Variants in BNIP3 observed in about 807,000 individuals in gnomAD.
BNIP3 encodes the protein BCL2/adenovirus E1B 19 kDa protein-interacting protein 3.
A neutral mutation model predicts 23.9 loss-of-function variants in BNIP3; 16 were observed. That is an observed-to-expected ratio of 0.67 (90% CI 0.45 to 1.01). The LOEUF is 1.01. Ranked by LOEUF, BNIP3 falls within the 50% of genes least tolerant of loss-of-function variation. The pLI is 0.00. For synonymous variants in BNIP3, 81 were observed against 89.3 expected (o/e 0.91, Z 0.53); for missense variants, 198 against 248.7 (o/e 0.80, Z 1.37).
intron 1 of BNIP3, among the ~76,000 whole-genome samples, chr10:131,978,651 G>A (rs2037097350): frequency 6.6e-6 from 1 of 152,198 alleles, no homozygotes; most frequent in African/African-American, 2.4e-5. Context: ...AGAATCACCT[G>A]TGGTGTTTTT....
chr10:131,977,060 G>T (rs1589977446), intron 1 of BNIP3, among the ~76,000 whole-genome samples: 1 of 152,200 alleles, frequency 6.6e-6, no homozygotes, highest in East Asian at 1.9e-4. Context: ...ATCATCTGAG[G>T]TCAGGAGTCA....
intron 1 of BNIP3, among the ~76,000 whole-genome samples, chr10:131,977,194 G>C (rs951091683): frequency 6.6e-6 from 1 of 152,070 alleles, no homozygotes. Flanking sequence ...CCTTGAACCT[G>C]AGAGGGGGAG....
At chr10:131,971,096 T>C (rs917370219) in intron 3 of BNIP3, 126 bp from the exon 4 acceptor site, 19 of 869,482 alleles carry the variant, frequency 2.2e-5, no homozygotes. Context: ...TGTCAGTGCC[T>C]CGGACCGTGG....
At chr10:131,979,701 ATCCT>A (rs2037104342) in intron 1 of BNIP3, among the ~76,000 whole-genome samples, 2 of 152,244 alleles carry the variant, frequency 1.3e-5, no homozygotes, top group African/African-American at 4.8e-5. Context: ...AAATACGAGC[ATCCT>A]GCGAGTCAAC....
At chr10:131,981,627 G>T in intron 1 of BNIP3, 134 bp downstream of exon 1, 1 of 1,127,990 alleles carries the variant, frequency 8.9e-7, no homozygotes. Context: ...TACGGAAGGG[G>T]AGGATGGCGC....
At chr10:131,975,113 A>T (rs1349228799) in intron 1 of BNIP3, among the ~76,000 whole-genome samples, 3 of 152,196 alleles carry the variant, frequency 2.0e-5, no homozygotes, top group Admixed American at 6.5e-5. Context: ...TATTATTTTC[A>T]CACAGCTCTA....
intron 1 of BNIP3, among the ~76,000 whole-genome samples, chr10:131,975,162 G>A (rs765979237): frequency 6.6e-6 from 1 of 152,112 alleles, no homozygotes; most frequent in Non-Finnish European, 1.5e-5. Context: ...AATCTACATG[G>A]ATTAATTTTC....
chr10:131,981,415 T>C lies in BNIP3; in HGVS notation c.46+346A>G, dbSNP rs2037117741. On this transcript the variant is annotated intron_variant, in intron 1 of 5. Transcript: ENST00000368636. Reference sequence around the variant, plus strand: ...CAGACCGCGGAGGGCAACGTGGACTTTGAGGCTGTTCGGTCCAACTGCGAG... The same window carrying C: ...CAGACCGCGGAGGGCAACGTGGACTCTGAGGCTGTTCGGTCCAACTGCGAG... 8.5e-6 allele frequency: 3 copies of C among 350,890 alleles called. No individual in the cohort carries two copies. The South Asian group carries it at 3.0e-4, about 35-fold the overall frequency. 21.7% of individuals were successfully genotyped at this position (350,890 alleles called of 1,614,324 possible). A position where few individuals can be genotyped will look rare whatever the true frequency, so the allele number is the denominator to read the frequency against.
chr10:131,981,685 C>A, intron 1 of BNIP3, 76 bp downstream of exon 1: 1 of 1,222,700 alleles, frequency 8.2e-7, no homozygotes. Flanking sequence ...GGCAACCTCC[C>A]CTTGGCGCCC....
In BNIP3 at chr10:131,970,290, G is replaced by C. The variant is rs2037016445; in HGVS notation, c.539+348C>G. On this transcript the variant is annotated intron_variant, in intron 5 of 5. Coordinates refer to ENST00000368636, the MANE Select transcript of BNIP3 (RefSeq NM_004052.4). This position sits in a 1 kb window ranked among gnomAD's most constrained non-coding sequence, Gnocchi z 4.1. ...AGACCCTCCACCTACAGCAGAGCTG[G>C]GTGCATTCCCGCCACAGTACTACAC... is the stretch of plus-strand genomic sequence containing the variant. 1 of 273,914 alleles carries C rather than the reference G, an allele frequency of 3.7e-6. No homozygotes were observed. Among genetic ancestry groups the C allele is most frequent in the Non-Finnish European group, 6.9e-6 (1 of 145,828 alleles). The allele number at this position is 273,914 out of a possible 1,614,324, so 17.0% of individuals were successfully genotyped here.
At position 131,973,130 on chromosome 10, in the gene BNIP3, G is replaced by T; in HGVS notation, c.198-12C>A. 2 of 1,612,116 alleles carry T rather than the reference G, an allele frequency of 1.2e-6. No individual in the cohort carries two copies. The highest frequency in any genetic ancestry group is 1.1e-5 in the South Asian group (1 of 91,036). ...GCGAGCGAGGTGGGCTTGGCGATGT[G>T]AATAGAATGGGAAAAACAGAACATC... is the stretch of plus-strand genomic sequence containing the variant. On this transcript the variant is annotated splice_polypyrimidine_tract_variant and intron_variant, in intron 2 of 5. Coordinates refer to ENST00000368636, the MANE Select transcript of BNIP3 (RefSeq NM_004052.4).
intron 1 of BNIP3, chr10:131,980,252 T>C (rs2037109189): frequency 6.6e-6 from 1 of 152,104 alleles, no homozygotes; most frequent in South Asian, 2.1e-4. Context: ...AGCCGGACAG[T>C]GAAACGCACA....
rs1223374802 is a variant in BNIP3 at position 131,976,104 on chromosome 10, G to A, written c.47-2161C>T. ...CCATGCGGCCGGCTAGCCATGGCCT[G>A]CCCCTGAGAGAACGGCACCACAGCC... On this transcript the variant is annotated intron_variant, in intron 1 of 5. Coordinates refer to ENST00000368636, the MANE Select transcript of BNIP3 (RefSeq NM_004052.4). The surrounding 1 kb of genome is among the most constrained non-coding windows in gnomAD (Gnocchi z 4.3). Among the ~76,000 whole-genome samples, 2 of 152,216 alleles carry A rather than the reference G, an allele frequency of 1.3e-5. No homozygotes were observed. Among genetic ancestry groups the A allele is most frequent in the South Asian group, 2.1e-4 (1 of 4,834 alleles).
chr10:131,980,102 CAA>C (rs1274026190), intron 1 of BNIP3: 1 of 152,252 alleles, frequency 6.6e-6, no homozygotes, highest in Non-Finnish European at 1.5e-5. Context: ...ATAGAATAAA[CAA>C]AACAGAAAAA....
At chr10:131,972,000 C>T (rs994184573) in intron 3 of BNIP3, among the ~76,000 whole-genome samples, 4 of 150,208 alleles carry the variant, frequency 2.7e-5, no homozygotes, top group Non-Finnish European at 4.4e-5. Context: ...CACAGTCCGT[C>T]GTCAAAGTTC....
chr10:131,978,721 G>C (rs527779633), intron 1 of BNIP3, among the ~76,000 whole-genome samples: 1 of 152,178 alleles, frequency 6.6e-6, no homozygotes, highest in Non-Finnish European at 1.5e-5. Flanking sequence ...TGGGATGCTG[G>C]GGTGGAATCC....
intron 1 of BNIP3, chr10:131,980,095 G>A (rs1214110265): frequency 6.6e-6 from 1 of 152,244 alleles, no homozygotes; most frequent in Non-Finnish European, 1.5e-5. Flanking sequence ...TCTTTTTATA[G>A]AATAAACAAA....
intron 1 of BNIP3, among the ~76,000 whole-genome samples, chr10:131,977,720 C>T (rs1453954527): frequency 6.6e-6 from 1 of 152,168 alleles, no homozygotes; most frequent in Non-Finnish European, 1.5e-5. Context: ...TGGAGGAACA[C>T]ATTCGAACCA....
At chr10:131,979,089 T>C (rs1264189781) in intron 1 of BNIP3, among the ~76,000 whole-genome samples, 6 of 152,206 alleles carry the variant, frequency 3.9e-5, no homozygotes, top group Admixed American at 6.5e-5. Context: ...CCAGGGCCTA[T>C]TGCACGCAGC....
Sources: gnomAD v4.1 joint callset for allele counts (sites outside exome capture counted in the v4.1 genomes callset) on GRCh38, gnomAD v4.1.1 for gene constraint, Gnocchi (gnomAD v3.1) non-coding constraint, MANE v1.5 for transcripts, NCBI Gene and HGNC (gene_info 2026-07-23, HGNC 2026-07-21) for gene names.